Variants in XKR9 observed in about 807,000 individuals in gnomAD.
XKR9 encodes XK related 9, also known as XK-related protein 9.
XKR9 carries 32 observed loss-of-function variants against 32.0 expected under a neutral mutation model. The observed-to-expected ratio is 1.00, with a 90% CI of 0.76 to 1.34. XKR9 has a LOEUF of 1.34. XKR9 is among the 40% of genes most tolerant of loss of function. XKR9 has a pLI of 0.00. For synonymous variants in XKR9, 168 were observed against 143.4 expected, an observed-to-expected ratio of 1.17 and a Z score of -1.22; for missense variants, 546 against 429.7, an observed-to-expected ratio of 1.27 and a Z score of -2.39.
intron 2 of XKR9, among the ~76,000 whole-genome samples, chr8:70,776,068 G>A (rs1807515987): frequency 6.6e-6 from 1 of 151,918 alleles, no homozygotes; most frequent in African/African-American, 2.4e-5. Context: ...TTCTTGTAAT[G>A]TTTTTGCCTC....
At chr8:71,058,189 T>A in the XKR9 span, among the ~76,000 whole-genome samples, 15 of 140,252 alleles carry the variant, frequency 1.1e-4, no homozygotes, top group South Asian at 8.7e-4. Context: ...AAAAAAAAAA[T>A]AAAATTTAAT....
chr8:70,906,014 C>T, the XKR9 span, among the ~76,000 whole-genome samples: 1 of 152,202 alleles, frequency 6.6e-6, no homozygotes, highest in Non-Finnish European at 1.5e-5. Context: ...GGGCACCCAG[C>T]TGTATGAGGT....
chr8:70,691,832 G>T (rs1331374570), intron 3 of XKR9, among the ~76,000 whole-genome samples: 1 of 152,090 alleles, frequency 6.6e-6, no homozygotes, highest in Non-Finnish European at 1.5e-5. Flanking sequence ...AGTATAGTTT[G>T]GAGTCGAATA....
chr8:70,687,383 T>C (rs1269898422), intron 3 of XKR9, among the ~76,000 whole-genome samples: 2 of 120,350 alleles, frequency 1.7e-5, no homozygotes, highest in Non-Finnish European at 3.4e-5. Flanking sequence ...TTCTCTTTCT[T>C]TCTCTTTCTC....
At chr8:70,811,279 A>G in the XKR9 span, among the ~76,000 whole-genome samples, 958 of 151,306 alleles carry the variant, frequency 6.3e-3, 11 homozygotes, top group African/African-American at 0.022. Context: ...TCTCTGGGAC[A>G]CATTCAAAGC....
chr8:71,062,383 C>T, the XKR9 span, among the ~76,000 whole-genome samples: 3 of 152,188 alleles, frequency 2.0e-5, no homozygotes, highest in African/African-American at 4.8e-5. Flanking sequence ...TCCTGCATGG[C>T]TTTTTGTTGT....
chr8:70,887,938 CG>C, the XKR9 span, among the ~76,000 whole-genome samples: 2 of 151,938 alleles, frequency 1.3e-5, no homozygotes, highest in Non-Finnish European at 2.9e-5. Context: ...TTGATTTCTC[CG>C]GCCAGAACTT....
intron 3 of XKR9, among the ~76,000 whole-genome samples, chr8:70,789,691 A>G (rs1807738177): frequency 6.6e-6 from 1 of 151,820 alleles, no homozygotes; most frequent in Admixed American, 6.6e-5. Context: ...ACTCTATGGG[A>G]TCTTAATTTT....
the XKR9 span, among the ~76,000 whole-genome samples, chr8:71,061,586 T>C: frequency 2.0e-5 from 3 of 152,222 alleles, no homozygotes; most frequent in African/African-American, 4.8e-5. Context: ...GCCTTCTGAA[T>C]TGACACTACT....
the XKR9 span, among the ~76,000 whole-genome samples, chr8:70,868,673 C>G: frequency 6.6e-6 from 1 of 152,146 alleles, no homozygotes; most frequent in Non-Finnish European, 1.5e-5. Flanking sequence ...CTCTGACATG[C>G]CCTGGAGACA....
At chr8:70,799,272 A>G in the XKR9 span, among the ~76,000 whole-genome samples, 1 of 151,930 alleles carries the variant, frequency 6.6e-6, no homozygotes, top group Non-Finnish European at 1.5e-5. Context: ...TCACCTTTTT[A>G]TTAGCTGTAT....
At chr8:70,884,585 T>A in the XKR9 span, among the ~76,000 whole-genome samples, 102 of 152,306 alleles carry the variant, frequency 6.7e-4, no homozygotes, top group East Asian at 2.5e-3. Context: ...ATTATTTTTT[T>A]AAAAATTATT....
the XKR9 span, among the ~76,000 whole-genome samples, chr8:70,879,929 G>T: frequency 6.6e-6 from 1 of 152,142 alleles, no homozygotes; most frequent in Non-Finnish European, 1.5e-5. Context: ...TATCCACCAC[G>T]ATCGAATCGG....
intron 2 of XKR9, among the ~76,000 whole-genome samples, chr8:70,758,756 G>A (rs1352575242): frequency 2.0e-5 from 3 of 152,152 alleles, no homozygotes; most frequent in African/African-American, 2.4e-5. Flanking sequence ...TAGTTCAATA[G>A]CTAGCATTTT....
intron 2 of XKR9, among the ~76,000 whole-genome samples, chr8:70,756,109 C>G (rs1807221725): frequency 6.6e-6 from 1 of 152,010 alleles, no homozygotes; most frequent in Admixed American, 6.6e-5. Context: ...ACCCCCGTAC[C>G]ATTTGTTGAA....
the XKR9 span, among the ~76,000 whole-genome samples, chr8:70,824,825 T>A: frequency 6.6e-6 from 1 of 151,936 alleles, no homozygotes; most frequent in East Asian, 1.9e-4. Flanking sequence ...TGGTCTTAGA[T>A]TTTGGTGGAA....
chr8:70,835,888 ATAT>A, the XKR9 span, among the ~76,000 whole-genome samples: 1 of 152,050 alleles, frequency 6.6e-6, no homozygotes, highest in African/African-American at 2.4e-5. Context: ...TTCACTGCTA[ATAT>A]TTTCATTTAT....
the XKR9 span, among the ~76,000 whole-genome samples, chr8:70,959,951 C>T: frequency 4.6e-5 from 7 of 152,078 alleles, no homozygotes; most frequent in African/African-American, 1.2e-4. Context: ...AAAAGTTGGC[C>T]GGGAGTGGTG....
At chr8:70,701,020 G>A (rs1022616246) in intron 3 of XKR9, among the ~76,000 whole-genome samples, 4 of 152,184 alleles carry the variant, frequency 2.6e-5, no homozygotes, top group Admixed American at 6.5e-5. Context: ...CTGGTGTGCC[G>A]TTTTTTAAGC....
Sources: gnomAD v4.1 joint callset for allele counts (sites outside exome capture counted in the v4.1 genomes callset) on GRCh38, gnomAD v4.1.1 for gene constraint, MANE v1.5 for transcripts, NCBI Gene and HGNC (gene_info 2026-07-23, HGNC 2026-07-21) for gene names.